The following GRID2 variants were observed in gnomAD, a reference collection of about 807,000 sequenced individuals.
GRID2 encodes glutamate receptor ionotropic, delta-2.
Under a neutral mutation model 114.8 loss-of-function variants are expected in GRID2, and 33 were observed. The observed-to-expected ratio is 0.29, with a 90% CI of 0.22 to 0.38. The LOEUF (loss-of-function observed/expected upper bound fraction) is 0.38, where lower values mean the gene tolerates loss of function less well. GRID2 is among the 10% of genes least tolerant of loss of function. The pLI is 1.00. For missense variants in GRID2, 1,184 were observed against 1,257.7 expected, an observed-to-expected ratio of 0.94 and a Z score of 0.89; for synonymous variants, 505 against 449.9, an observed-to-expected ratio of 1.12 and a Z score of -1.55.
chr4:93,159,725 T>C (rs138379100), intron 4 of GRID2, among the ~76,000 whole-genome samples: 18 of 148,360 alleles, frequency 1.2e-4, no homozygotes, highest in African/African-American at 4.0e-4. Context: ...TCTGTTTCAG[T>C]GTACTTCTAG....
At chr4:93,735,777 A>G (rs1730874366) in intron 14 of GRID2, among the ~76,000 whole-genome samples, 1 of 152,062 alleles carries the variant, frequency 6.6e-6, no homozygotes, top group Non-Finnish European at 1.5e-5. Flanking sequence ...TGACCACCTT[A>G]GTGAAATCCT....
chr4:93,422,623 G>A (rs1019544618), intron 9 of GRID2, 148 bp from the exon 10 acceptor site: 37 of 588,766 alleles, frequency 6.3e-5, no homozygotes, highest in African/African-American at 3.4e-4. Context: ...AATATGATGC[G>A]TTAATAATGC....
At chr4:93,631,399 T>C (rs1289166813) in intron 14 of GRID2, among the ~76,000 whole-genome samples, 1 of 152,168 alleles carries the variant, frequency 6.6e-6, no homozygotes, top group Non-Finnish European at 1.5e-5. Flanking sequence ...TGGTGTGTGA[T>C]GCTCCCCTTC....
At chr4:92,827,640 T>A (rs970909090) in intron 2 of GRID2, among the ~76,000 whole-genome samples, 4 of 152,068 alleles carry the variant, frequency 2.6e-5, no homozygotes, top group African/African-American at 9.7e-5. Context: ...AGAAGCCATT[T>A]CATGGCAGTG....
chr4:92,783,120 GT>G (rs1394183494), intron 2 of GRID2, among the ~76,000 whole-genome samples: 1 of 151,962 alleles, frequency 6.6e-6, no homozygotes, highest in African/African-American at 2.4e-5. Context: ...CTTGAGATAT[GT>G]TATGCTTATA....
chr4:92,601,813 A>T (rs1729228412), intron 2 of GRID2, among the ~76,000 whole-genome samples: 1 of 152,108 alleles, frequency 6.6e-6, no homozygotes, highest in Non-Finnish European at 1.5e-5. Context: ...AGACACAAGA[A>T]AAATGATAAA....
intron 1 of GRID2, among the ~76,000 whole-genome samples, chr4:92,380,165 T>C (rs1217593223): frequency 6.6e-6 from 1 of 151,890 alleles, no homozygotes; most frequent in Non-Finnish European, 1.5e-5. Context: ...TTTTTTTGTA[T>C]CACTTAGCCC....
chr4:93,028,454 T>C (rs1724087776), intron 2 of GRID2, among the ~76,000 whole-genome samples: 2 of 151,774 alleles, frequency 1.3e-5, no homozygotes, highest in South Asian at 2.1e-4. Flanking sequence ...CGGAAAGAGT[T>C]CCAAAAGGTA....
At chr4:93,668,790 A>G (rs1724159098) in intron 14 of GRID2, among the ~76,000 whole-genome samples, 1 of 152,054 alleles carries the variant, frequency 6.6e-6, no homozygotes, top group African/African-American at 2.4e-5. Context: ...AGTAAATCTT[A>G]AAGGTGCATG....
chr4:93,325,390 C>T (rs1757716511), intron 8 of GRID2, among the ~76,000 whole-genome samples: 1 of 152,028 alleles, frequency 6.6e-6, no homozygotes, highest in Admixed American at 6.6e-5. Flanking sequence ...GGTTCTGACT[C>T]ATTCACTCTG....
intron 2 of GRID2, among the ~76,000 whole-genome samples, chr4:92,802,118 T>C (rs546532571): frequency 1.3e-5 from 2 of 152,086 alleles, no homozygotes; most frequent in East Asian, 3.9e-4. Flanking sequence ...TTGTACTTTT[T>C]AAAATACATA....
chr4:92,620,819 C>T (rs1256062484), intron 2 of GRID2, among the ~76,000 whole-genome samples: 4 of 150,942 alleles, frequency 2.7e-5, no homozygotes, highest in Admixed American at 1.3e-4. Flanking sequence ...GGAGGGATAG[C>T]ATTAGGAGAT....
At chr4:92,702,101 C>T (rs561029623) in intron 2 of GRID2, among the ~76,000 whole-genome samples, 1 of 152,080 alleles carries the variant, frequency 6.6e-6, no homozygotes, top group Non-Finnish European at 1.5e-5. Context: ...CCTACATGAT[C>T]TGAGTTCAGA....
intron 2 of GRID2, among the ~76,000 whole-genome samples, chr4:93,029,030 T>G (rs1724143654): frequency 6.6e-6 from 1 of 152,090 alleles, no homozygotes; most frequent in South Asian, 2.1e-4. Context: ...TCTTACAATT[T>G]TAGATTAACA....
At chr4:93,371,093 T>C (rs1465696878) in intron 8 of GRID2, among the ~76,000 whole-genome samples, 4 of 152,224 alleles carry the variant, frequency 2.6e-5, no homozygotes, top group African/African-American at 9.6e-5. Context: ...TATGTCACTG[T>C]AGGCACTGCA....
At chr4:93,093,257 A>T (rs1231310701) in intron 3 of GRID2, among the ~76,000 whole-genome samples, 1 of 152,064 alleles carries the variant, frequency 6.6e-6, no homozygotes, top group Non-Finnish European at 1.5e-5. Flanking sequence ...TTAAGAGTCC[A>T]TTAGAAAGCT....
intron 4 of GRID2, among the ~76,000 whole-genome samples, chr4:93,192,245 G>A (rs11930057): frequency 9.2e-5 from 14 of 152,146 alleles, no homozygotes; most frequent in South Asian, 6.2e-4. Context: ...ACACCTCACC[G>A]AAAGAACTTG....
chr4:92,887,852 A>C (rs1232010968), intron 2 of GRID2, among the ~76,000 whole-genome samples: 9 of 152,140 alleles, frequency 5.9e-5, no homozygotes, highest in Admixed American at 5.9e-4. Context: ...TGCATTTTCA[A>C]ATTTTCTAAC....
chr4:92,337,125 T>C (rs746960880), intron 1 of GRID2, among the ~76,000 whole-genome samples: 5 of 152,060 alleles, frequency 3.3e-5, no homozygotes, highest in Non-Finnish European at 5.9e-5. Flanking sequence ...CATATCTCCA[T>C]TATTTAGCAT....
Sources: allele counts gnomAD v4.1 joint callset (sites outside exome capture counted in the v4.1 genomes callset), GRCh38; gene constraint gnomAD v4.1.1; transcripts MANE v1.5; gene names NCBI Gene and HGNC (gene_info 2026-07-23, HGNC 2026-07-21).